The following NFIL3 variants were observed in gnomAD, a reference collection of about 807,000 sequenced individuals.
NFIL3 encodes the protein nuclear factor, interleukin 3 regulated, also known as nuclear factor interleukin-3-regulated protein.
A neutral mutation model predicts 10.0 loss-of-function variants in NFIL3; 5 were observed. The ratio of observed to expected loss-of-function variants is 0.50; its 90% CI spans 0.26 to 1.06. The LOEUF is 1.06. Ranked by LOEUF, NFIL3 falls within the 50% of genes least tolerant of loss-of-function variation. The pLI is 0.13. For missense variants in NFIL3, 436 were observed against 547.6 expected, an observed-to-expected ratio of 0.80 and a Z score of 2.03; for synonymous variants, 202 against 206.5, an observed-to-expected ratio of 0.98 and a Z score of 0.19.
chr9:91,420,959 T>C (rs576195421), intron 1 of NFIL3, among the ~76,000 whole-genome samples: 102 of 152,248 alleles, frequency 6.7e-4, no homozygotes, highest in African/African-American at 2.3e-3. Context: ...GGCCTTCCTT[T>C]TAATCACTAT....
At chr9:91,462,603 T>G in the NFIL3 span, among the ~76,000 whole-genome samples, 1 of 152,092 alleles carries the variant, frequency 6.6e-6, no homozygotes, top group Admixed American at 6.5e-5. Flanking sequence ...TGTTAATGCT[T>G]TATTAAGAAG....
rs1190774719 is a variant in NFIL3 at position 91,410,096 on chromosome 9, G to C, written c.639C>G (p.Asn213Lys). ...GCTCTTGCTTGATAATCTGGAACTT[G>C]TTTTCAGGACTTCTGCAGCTTCCCT... ...SVQGSCRSPE[N>K]KFQIIKQEPM... Residue 213 changes from asparagine (N) to lysine (K), a missense_variant, in exon 2 of 2, where the codon AAC (asparagine) becomes AAG (lysine). Physicochemically the swap from Asn to Lys is moderately conservative, Grantham distance 94. This residue lies in a region of NFIL3 where 338 missense variants were observed against 399.9 expected (regional missense o/e 0.85). Coordinates refer to ENST00000297689, the MANE Select transcript of NFIL3 (RefSeq NM_005384.3). The surrounding 1 kb of genome is among the most constrained non-coding windows in gnomAD (Gnocchi z 5.7). The C allele has an allele frequency of 1.9e-6, 3 of 1,613,786 alleles. No homozygotes were observed. Among genetic ancestry groups the C allele is most frequent in the South Asian group, 2.2e-5 (2 of 91,082 alleles).
chr9:91,456,464 G>A, the NFIL3 span, among the ~76,000 whole-genome samples: 1 of 151,964 alleles, frequency 6.6e-6, no homozygotes, highest in African/African-American at 2.4e-5. Context: ...GTCTTTATTT[G>A]ATAAATATTT....
At chr9:91,446,897 C>G in the NFIL3 span, among the ~76,000 whole-genome samples, 1 of 151,908 alleles carries the variant, frequency 6.6e-6, no homozygotes, top group Non-Finnish European at 1.5e-5. Context: ...CTCACAGCAA[C>G]CTCTACCTCC....
the NFIL3 span, among the ~76,000 whole-genome samples, chr9:91,466,645 G>T: frequency 6.6e-6 from 1 of 152,116 alleles, no homozygotes; most frequent in African/African-American, 2.4e-5. Flanking sequence ...ACCCAAGAAC[G>T]TTGCATCCTT....
At chr9:91,429,255 C>T in the NFIL3 span, among the ~76,000 whole-genome samples, 1 of 152,172 alleles carries the variant, frequency 6.6e-6, no homozygotes, top group Non-Finnish European at 1.5e-5. Flanking sequence ...GCATTCTGTA[C>T]CCCATACTCA....
In NFIL3 at chr9:91,409,665, A is replaced by T. The variant is rs750082020; in HGVS notation, c.1070T>A (p.Met357Lys). 1.9e-6 allele frequency: 3 copies of T among 1,614,112 alleles called. No individual in the cohort carries two copies. The African/African-American group carries it at 4.0e-5, about 22-fold the overall frequency. Reference protein sequence around the residue: ...ATQKLSSPIDMTSKRHFELEK... With the variant: ...ATQKLSSPIDKTSKRHFELEK... ...GAGTTCGAAATGTCTTTTAGATGTC[A>T]TGTCAATAGGTGAGGAAAGTTTTTG... The change falls in exon 2 of 2, where the codon ATG becomes AAG. Residue 357 changes from methionine (M) to lysine (K), a missense_variant. By Grantham distance (95) the Met-to-Lys change is moderately conservative. This residue lies in a region of NFIL3 where 338 missense variants were observed against 399.9 expected (regional missense o/e 0.85). Transcript: ENST00000297689.
intron 1 of NFIL3, among the ~76,000 whole-genome samples, chr9:91,419,939 C>A (rs1401936466): frequency 6.6e-6 from 1 of 152,182 alleles, no homozygotes; most frequent in African/African-American, 2.4e-5. Context: ...TACAAGAGAG[C>A]TTATCTGTGG....
the NFIL3 span, among the ~76,000 whole-genome samples, chr9:91,438,533 A>G: frequency 0.098 from 14,833 of 151,950 alleles, 1,062 homozygotes; most frequent in African/African-American, 0.19. Context: ...ACTTATCTTT[A>G]CATTTGTAGC....
At chr9:91,448,065 A>G in the NFIL3 span, among the ~76,000 whole-genome samples, 1 of 152,186 alleles carries the variant, frequency 6.6e-6, no homozygotes, top group African/African-American at 2.4e-5. Context: ...TGAACCACCT[A>G]TTAAAGAGAA....
upstream of NFIL3, among the ~76,000 whole-genome samples, chr9:91,427,637 GTTGTT>G (rs1176991436): frequency 1.3e-5 from 2 of 151,734 alleles, no homozygotes; most frequent in African/African-American, 4.8e-5. Flanking sequence ...TGTTGTTGTT[GTTGTT>G]GTTGTTTTTG....
chr9:91,423,405 C>T (rs1833809268), intron 1 of NFIL3, among the ~76,000 whole-genome samples: 1 of 152,082 alleles, frequency 6.6e-6, no homozygotes, highest in South Asian at 2.1e-4. Context: ...GACTACGTGC[C>T]GGCGCGAAGG....
the NFIL3 span, among the ~76,000 whole-genome samples, chr9:91,444,129 T>A: frequency 2.0e-5 from 3 of 152,190 alleles, no homozygotes; most frequent in African/African-American, 7.2e-5. Flanking sequence ...CACTTTCATT[T>A]TTTTCCTCTG....
intron 1 of NFIL3, among the ~76,000 whole-genome samples, chr9:91,423,323 C>A (rs1022939424): frequency 2.0e-5 from 3 of 152,148 alleles, no homozygotes; most frequent in African/African-American, 7.2e-5. Flanking sequence ...CTCTTCTTTA[C>A]CAAAACATCA....
At position 91,409,625 on chromosome 9, in the gene NFIL3, G is replaced by C. The variant is rs1211467567; in HGVS notation, c.1110C>G (p.Ala370=). 5 of 1,614,176 alleles carry C rather than the reference G, an allele frequency of 3.1e-6. No individual in the cohort carries two copies. Among genetic ancestry groups the C allele is most frequent in the Non-Finnish European group, 4.2e-6 (5 of 1,180,038 alleles). The change falls in exon 2 of 2, where the codon GCC becomes GCG. Residue 370 remains alanine, a synonymous_variant. Transcript: ENST00000297689. ...KRHFELEKHS[A]PSMVHSSLTP... is the part of the protein sequence containing the mutation. ...TAAGAGAAGAATGTACCATACTTGG[G>C]GCACTATGCTTTTCGAGTTCGAAAT...
At chr9:91,416,188 G>A (rs948565764) in intron 1 of NFIL3, among the ~76,000 whole-genome samples, 5 of 149,024 alleles carry the variant, frequency 3.4e-5, no homozygotes, top group Admixed American at 3.3e-4. Context: ...AAATCCAAGA[G>A]TGTAATCTGT....
the NFIL3 span, among the ~76,000 whole-genome samples, chr9:91,439,109 AACAG>A: frequency 6.6e-6 from 1 of 152,188 alleles, no homozygotes; most frequent in Admixed American, 6.5e-5. Flanking sequence ...TGCTTTGGTT[AACAG>A]ACAATTTAAA....
chr9:91,419,226 A>G (rs770547902), intron 1 of NFIL3, among the ~76,000 whole-genome samples: 3 of 152,210 alleles, frequency 2.0e-5, no homozygotes, highest in African/African-American at 4.8e-5. Context: ...AACAGCATCA[A>G]TGGCATCTGG....
At chr9:91,421,103 G>A (rs1042273889) in intron 1 of NFIL3, among the ~76,000 whole-genome samples, 4 of 152,190 alleles carry the variant, frequency 2.6e-5, no homozygotes, top group African/African-American at 9.6e-5. Context: ...GAACAAAGGT[G>A]TCTGCAGGTT....
Sources: gnomAD v4.1 joint callset for allele counts (sites outside exome capture counted in the v4.1 genomes callset) on GRCh38, gnomAD v4.1.1 for gene constraint, gnomAD v4.1.1 regional missense constraint, Gnocchi (gnomAD v3.1) non-coding constraint, MANE v1.5 for transcripts, NCBI Gene and HGNC (gene_info 2026-07-23, HGNC 2026-07-21) for gene names.